Variants in KCNIP4 observed in about 807,000 individuals in gnomAD.
The protein encoded by KCNIP4 is Kv channel-interacting protein 4.
A neutral mutation model predicts 34.0 loss-of-function variants in KCNIP4; 12 were observed. That is an observed-to-expected ratio of 0.35 (90% confidence interval 0.23 to 0.57). The LOEUF (loss-of-function observed/expected upper bound fraction) is 0.57, where lower values mean the gene tolerates loss of function less well. Ranked by LOEUF, KCNIP4 falls within the 20% of genes least tolerant of loss-of-function variation. KCNIP4 has a pLI of 0.83. For missense variants in KCNIP4, 238 were observed against 311.7 expected (o/e 0.76, Z 1.78); for synonymous variants, 124 against 102.2 (o/e 1.21, Z -1.29).
chr4:21,150,552 T>C lies in KCNIP4; in HGVS notation c.62-267843A>G, dbSNP rs1421893959. Among the ~76,000 whole-genome samples, 6 of 152,218 alleles carry C rather than the reference T, an allele frequency of 3.9e-5. No individual in the cohort carries two copies. The East Asian group carries it at 7.7e-4, about 20-fold the overall frequency. Reference sequence around the variant, plus strand: ...AGGGAGTGATAGAGTTGGGTGATTATGTGTGTGTTTGCATGTATGCATTGG... The same window carrying C: ...AGGGAGTGATAGAGTTGGGTGATTACGTGTGTGTTTGCATGTATGCATTGG... On this transcript the variant is annotated intron_variant, in intron 1 of 8. Coordinates refer to ENST00000382152, the MANE Select transcript of KCNIP4 (RefSeq NM_025221.6).
In KCNIP4 at chr4:21,089,217, C is replaced by G. The variant is rs145811320; in HGVS notation, c.62-206508G>C. Among the ~76,000 whole-genome samples, 692 of 152,202 alleles carry G rather than the reference C, an allele frequency of 4.5e-3. 6 individuals carry two copies. The highest frequency in any genetic ancestry group is 0.016 in the African/African-American group (660 of 41,524). ...TAATTAGATCATGGGGGTGGACTTC[C>G]CCCTTGCTGTTCTCATGATAGTGAG... On this transcript the variant is annotated intron_variant, in intron 1 of 8. Transcript: ENST00000382152.
At chr4:21,204,193 T>C (rs923069480) in intron 1 of KCNIP4, among the ~76,000 whole-genome samples, 1 of 152,096 alleles carries the variant, frequency 6.6e-6, no homozygotes. Flanking sequence ...TTTTAAGAGT[T>C]CTCTCTCTTT....
intron 1 of KCNIP4, among the ~76,000 whole-genome samples, chr4:21,480,568 A>G (rs1731335759): frequency 6.6e-6 from 1 of 152,178 alleles, no homozygotes; most frequent in African/African-American, 2.4e-5. Flanking sequence ...TTTAGAAACA[A>G]TGAGACAGTT....
At chr4:21,094,098 A>C (rs979512828) in intron 1 of KCNIP4, among the ~76,000 whole-genome samples, 9 of 152,112 alleles carry the variant, frequency 5.9e-5, no homozygotes, top group Non-Finnish European at 1.3e-4. Flanking sequence ...AAAAGAAAAA[A>C]GCTTATTAAA....
intron 1 of KCNIP4, among the ~76,000 whole-genome samples, chr4:21,181,827 T>A (rs972046833): frequency 3.9e-5 from 6 of 152,268 alleles, no homozygotes; most frequent in Admixed American, 6.5e-5. Context: ...GGAACATTAT[T>A]TATCAAAGAG....
intron 1 of KCNIP4, among the ~76,000 whole-genome samples, chr4:21,547,997 T>G (rs1273926273): frequency 6.6e-6 from 1 of 152,148 alleles, no homozygotes; most frequent in Non-Finnish European, 1.5e-5. Flanking sequence ...GGCATCATTA[T>G]CATTCCTGAC....
At chr4:21,192,352 G>C (rs1156312697) in intron 1 of KCNIP4, among the ~76,000 whole-genome samples, 2 of 152,166 alleles carry the variant, frequency 1.3e-5, no homozygotes, top group Non-Finnish European at 2.9e-5. Context: ...AACATTCTAA[G>C]ATAAACTGCA....
chr4:21,057,299 A>T (rs947156258), intron 1 of KCNIP4, among the ~76,000 whole-genome samples: 2 of 152,194 alleles, frequency 1.3e-5, no homozygotes, highest in African/African-American at 2.4e-5. Context: ...ACTTTTTTCA[A>T]TTCAAAAGAA....
intron 1 of KCNIP4, among the ~76,000 whole-genome samples, chr4:21,787,294 T>C (rs1352620167): frequency 6.6e-6 from 1 of 152,204 alleles, no homozygotes; most frequent in Non-Finnish European, 1.5e-5. Context: ...TTTAAAAATC[T>C]GAAATCTGAA....
chr4:21,919,919 T>C (rs570165292), intron 1 of KCNIP4, among the ~76,000 whole-genome samples: 3 of 152,256 alleles, frequency 2.0e-5, no homozygotes, highest in East Asian at 1.9e-4. Context: ...TTATAATTGA[T>C]GTCATAGCGG....
chr4:21,068,145 C>T (rs573291631), intron 1 of KCNIP4, among the ~76,000 whole-genome samples: 1 of 152,254 alleles, frequency 6.6e-6, no homozygotes, highest in South Asian at 2.1e-4. Context: ...GTCTGACCAG[C>T]AGGGAACTGA....
At chr4:21,678,744 C>T (rs1414323361) in intron 1 of KCNIP4, among the ~76,000 whole-genome samples, 2 of 152,170 alleles carry the variant, frequency 1.3e-5, no homozygotes, top group Non-Finnish European at 2.9e-5. Flanking sequence ...GACCAAATGC[C>T]ATTCTCTGAT....
chr4:21,917,844 G>A (rs751046368), intron 1 of KCNIP4, among the ~76,000 whole-genome samples: 3 of 152,180 alleles, frequency 2.0e-5, no homozygotes, highest in Non-Finnish European at 4.4e-5. Context: ...GCAAAAGCAA[G>A]ACGTTCATGG....
intron 1 of KCNIP4, among the ~76,000 whole-genome samples, chr4:21,923,714 A>T (rs1729072803): frequency 6.6e-6 from 1 of 152,202 alleles, no homozygotes; most frequent in South Asian, 2.1e-4. Flanking sequence ...CCGTGGGCTC[A>T]TCCTTCTCTG....
chr4:21,000,983 T>G lies in KCNIP4; in HGVS notation c.62-118274A>C, dbSNP rs943991357. Among the ~76,000 whole-genome samples, 20 of 152,348 alleles carry G rather than the reference T, an allele frequency of 1.3e-4. No homozygotes were observed. The East Asian group carries it at 3.7e-3, about 28-fold the overall frequency. On this transcript the variant is annotated intron_variant, in intron 1 of 8. Coordinates refer to ENST00000382152, the MANE Select transcript of KCNIP4 (RefSeq NM_025221.6). ...TACTTTTTAGCAATTACCACTATCA[T>G]ATAAACTACATATTGTTTTTATTTA... is the stretch of plus-strand genomic sequence containing the variant.
intron 1 of KCNIP4, among the ~76,000 whole-genome samples, chr4:21,128,230 G>A (rs1750777797): frequency 1.3e-5 from 2 of 152,200 alleles, no homozygotes; most frequent in South Asian, 2.1e-4. Flanking sequence ...AAAGTCAAGG[G>A]AAGAAAGTCT....
chr4:21,069,996 C>T (rs1744744083), intron 1 of KCNIP4, among the ~76,000 whole-genome samples: 1 of 152,114 alleles, frequency 6.6e-6, no homozygotes, highest in Admixed American at 6.5e-5. Context: ...CGTACCCAAA[C>T]CCTCATTACT....
chr4:21,169,751 G>A (rs1316995293), intron 1 of KCNIP4, among the ~76,000 whole-genome samples: 1 of 150,978 alleles, frequency 6.6e-6, no homozygotes, highest in Non-Finnish European at 1.5e-5. Context: ...GAGAACCTGG[G>A]CCTGAACAGA....
chr4:21,535,552 C>G (rs935259969), intron 1 of KCNIP4, among the ~76,000 whole-genome samples: 4 of 152,074 alleles, frequency 2.6e-5, no homozygotes, highest in African/African-American at 9.7e-5. Flanking sequence ...TTTAAGCTAG[C>G]AACGACAAAT....
Sources: gnomAD v4.1 joint callset for allele counts (sites outside exome capture counted in the v4.1 genomes callset) on GRCh38, gnomAD v4.1.1 for gene constraint, MANE v1.5 for transcripts, NCBI Gene and HGNC (gene_info 2026-07-23, HGNC 2026-07-21) for gene names.